Variants in CAMTA1 observed in about 807,000 individuals in gnomAD.
CAMTA1 encodes calmodulin-binding transcription activator 1.
CAMTA1 carries 27 observed loss-of-function variants against 170.9 expected under a neutral mutation model. That is an observed-to-expected ratio of 0.16 (90% CI 0.12 to 0.22). The LOEUF is 0.22. CAMTA1 is among the 10% of genes least tolerant of loss of function. CAMTA1 has a pLI of 1.00. For missense variants in CAMTA1, 1,619 were observed against 2,217.2 expected, an observed-to-expected ratio of 0.73 and a Z score of 5.42; for synonymous variants, 833 against 891.5, an observed-to-expected ratio of 0.93 and a Z score of 1.17.
intron 5 of CAMTA1, among the ~76,000 whole-genome samples, chr1:7,301,521 G>A (rs1049204213): frequency 6.6e-6 from 1 of 152,180 alleles, no homozygotes; most frequent in Non-Finnish European, 1.5e-5. Context: ...TGAGCCTGTA[G>A]TGCTGGTGCC....
intron 3 of CAMTA1, among the ~76,000 whole-genome samples, chr1:6,930,673 C>G (rs1684237532): frequency 6.6e-6 from 1 of 152,200 alleles, no homozygotes; most frequent in Non-Finnish European, 1.5e-5. Context: ...AGGGTGAGAT[C>G]CTCAGCTGCT....
intron 3 of CAMTA1, among the ~76,000 whole-genome samples, chr1:7,089,146 T>A (rs1641138300): frequency 6.6e-6 from 1 of 152,158 alleles, no homozygotes; most frequent in East Asian, 1.9e-4. Context: ...TGGTAGCTAT[T>A]GTTTGGGGCT....
In CAMTA1 at chr1:7,224,628, G is replaced by C. The variant is rs1574014758; in HGVS notation, c.303-24863G>C. Among the ~76,000 whole-genome samples, 1 of 152,184 alleles carries C rather than the reference G, an allele frequency of 6.6e-6. No homozygotes were observed. Among genetic ancestry groups the C allele is most frequent in the South Asian group, 2.1e-4 (1 of 4,826 alleles). On this transcript the variant is annotated intron_variant, in intron 4 of 22. Coordinates refer to ENST00000303635, the MANE Select transcript of CAMTA1 (RefSeq NM_015215.4). The surrounding 1 kb of genome is among the most constrained non-coding windows in gnomAD (Gnocchi z 5.2). ...ATGAATTCCGTCCCTGCTCAAGCGG[G>C]GTCCCAGGTTGGAGGCGTGACACCC... is the stretch of plus-strand genomic sequence containing the variant.
intron 5 of CAMTA1, among the ~76,000 whole-genome samples, chr1:7,298,399 A>G (rs1674288905): frequency 6.6e-6 from 1 of 152,144 alleles, no homozygotes; most frequent in African/African-American, 2.4e-5. Context: ...GTCCCCAGGA[A>G]TGTATTTCTA....
At chr1:6,897,818 G>T (rs1675983023) in intron 3 of CAMTA1, among the ~76,000 whole-genome samples, 1 of 152,194 alleles carries the variant, frequency 6.6e-6, no homozygotes. Flanking sequence ...GTTAGTAAGG[G>T]AAAAGTATCC....
chr1:7,748,427 T>C lies in CAMTA1; in HGVS notation c.4689+646T>C, dbSNP rs1177934894. Among the ~76,000 whole-genome samples, 1 of 152,140 alleles carries C rather than the reference T, an allele frequency of 6.6e-6. No individual in the cohort carries two copies. The highest frequency in any genetic ancestry group is 1.5e-5 in the Non-Finnish European group (1 of 68,030). The stretch of plus-strand genomic sequence containing the variant: ...GAAAACAAAATAAAACCATCTGCAA[T>C]TAGACTTGTACCGCAAAAGGGTTTT... On this transcript the variant is annotated intron_variant, in intron 19 of 22. Transcript: ENST00000303635. The surrounding 1 kb of genome is among the most constrained non-coding windows in gnomAD (Gnocchi z 4.7).
chr1:7,042,739 C>T (rs1704666524), intron 3 of CAMTA1, among the ~76,000 whole-genome samples: 1 of 152,196 alleles, frequency 6.6e-6, no homozygotes, highest in African/African-American at 2.4e-5. Flanking sequence ...CAGCCAGTCT[C>T]CTCCCTTCAG....
intron 11 of CAMTA1, among the ~76,000 whole-genome samples, chr1:7,720,111 C>G (rs1311453385): frequency 6.6e-6 from 1 of 152,200 alleles, no homozygotes; most frequent in Admixed American, 6.5e-5. Flanking sequence ...TCACGTTTGC[C>G]GATATTATTC....
intron 3 of CAMTA1, among the ~76,000 whole-genome samples, chr1:7,055,230 G>A (rs1024863192): frequency 1.3e-5 from 2 of 152,216 alleles, no homozygotes; most frequent in African/African-American, 4.8e-5. Flanking sequence ...TTGTTCAGTT[G>A]TTAGGAGATT....
chr1:7,576,159 C>T (rs1228492524), intron 6 of CAMTA1, among the ~76,000 whole-genome samples: 1 of 152,126 alleles, frequency 6.6e-6, no homozygotes, highest in East Asian at 1.9e-4. Context: ...CAGGTGCCCA[C>T]CACCACGCCT....
At chr1:6,852,760 A>G (rs1660879173) in intron 3 of CAMTA1, among the ~76,000 whole-genome samples, 1 of 152,218 alleles carries the variant, frequency 6.6e-6, no homozygotes, top group African/African-American at 2.4e-5. Flanking sequence ...TGGAGGCTCT[A>G]TTACGAAGGC....
rs913583452 is a variant in CAMTA1, at chr1:6,971,848, G to A, written c.235-119456G>A. On this transcript the variant is annotated intron_variant, in intron 3 of 22. Transcript: ENST00000303635. The surrounding 1 kb of genome is among the most constrained non-coding windows in gnomAD (Gnocchi z 4.6). ...GCTAACCCAGGTGTGACTTGGCTCC[G>A]CTGCCATTGGCGTCAGCAAGGCCCG... Among the ~76,000 whole-genome samples, 8 of 152,328 alleles carry A rather than the reference G, an allele frequency of 5.3e-5. No homozygotes were observed. The highest frequency in any genetic ancestry group is 2.1e-4 in the South Asian group (1 of 4,830).
At chr1:7,576,215 G>A (rs2095191029) in intron 6 of CAMTA1, among the ~76,000 whole-genome samples, 1 of 152,072 alleles carries the variant, frequency 6.6e-6, no homozygotes, top group South Asian at 2.1e-4. Flanking sequence ...CCTCCATGTT[G>A]GCCAGGCTGG....
chr1:7,718,284 C>T (rs374920449), intron 11 of CAMTA1, among the ~76,000 whole-genome samples: 2 of 148,368 alleles, frequency 1.3e-5, no homozygotes, highest in African/African-American at 2.6e-5. Context: ...GGAATGAGTC[C>T]GTTCTGGCCG....
chr1:7,703,272 G>A (rs2096462187), intron 11 of CAMTA1, among the ~76,000 whole-genome samples: 1 of 152,306 alleles, frequency 6.6e-6, no homozygotes, highest in South Asian at 2.1e-4. Flanking sequence ...AAGGTGGTGG[G>A]GGGAGCGTGC....
intron 22 of CAMTA1, among the ~76,000 whole-genome samples, chr1:7,762,276 C>G (rs2096982192): frequency 6.6e-6 from 1 of 152,204 alleles, no homozygotes; most frequent in African/African-American, 2.4e-5. Context: ...GGTTAAACTT[C>G]TATTTTGTAT....
Position 7,224,462 on chromosome 1 carries a change from G to A in CAMTA1, c.303-25029G>A, listed in dbSNP as rs1574013888. 6.6e-6 allele frequency among the ~76,000 whole-genome samples: 1 copy of A among 152,204 alleles called. No individual in the cohort carries two copies. The highest frequency in any genetic ancestry group is 6.5e-5 in the Admixed American group (1 of 15,276). ...CTGAGAAGGTTTTCATGTTCCCAAC[G>A]AGATCCAAGAGCAAAACAGTTTTCT... On this transcript the variant is annotated intron_variant, in intron 4 of 22. Transcript: ENST00000303635. This position sits in a 1 kb window ranked among gnomAD's most constrained non-coding sequence, Gnocchi z 5.2.
At chr1:6,863,187 G>A (rs76439629) in intron 3 of CAMTA1, among the ~76,000 whole-genome samples, 2,597 of 152,256 alleles carry the variant, frequency 0.017, 32 homozygotes, top group South Asian at 0.033. Context: ...CTTAAGATCT[G>A]CTTATTAATT....
intron 11 of CAMTA1, among the ~76,000 whole-genome samples, chr1:7,726,759 C>T (rs912486257): frequency 6.6e-6 from 1 of 152,134 alleles, no homozygotes; most frequent in Non-Finnish European, 1.5e-5. Context: ...TCCGGTGCGA[C>T]GGATATAGCC....
Sources: allele counts gnomAD v4.1 joint callset (sites outside exome capture counted in the v4.1 genomes callset), GRCh38; gene constraint gnomAD v4.1.1; non-coding constraint Gnocchi (gnomAD v3.1); transcripts MANE v1.5; gene names NCBI Gene and HGNC (gene_info 2026-07-23, HGNC 2026-07-21).